Variants in NLGN1 observed in about 807,000 individuals in gnomAD.
NLGN1 encodes the protein neuroligin-1.
In NLGN1, 12 loss-of-function variants were observed where a neutral mutation model predicts 65.5. That is an observed-to-expected ratio of 0.18 (90% CI 0.12 to 0.30). The LOEUF is 0.30. NLGN1 is among the 10% of genes least tolerant of loss of function. The probability of loss-of-function intolerance (pLI) is 1.00; values close to 1 mark genes in which losing one functional copy is unlikely to be tolerated. For missense variants in NLGN1, 750 were observed against 1,007.1 expected (o/e 0.74, Z 3.46); for synonymous variants, 350 against 359.5 (o/e 0.97, Z 0.30).
At chr3:173,681,498 C>A (rs770994660) in intron 3 of NLGN1, among the ~76,000 whole-genome samples, 5 of 152,136 alleles carry the variant, frequency 3.3e-5, no homozygotes, top group Non-Finnish European at 7.4e-5. Flanking sequence ...CATGATGAAT[C>A]CATCCTTGGC....
chr3:174,092,456 T>C (rs1744701290), intron 4 of NLGN1, among the ~76,000 whole-genome samples: 1 of 152,114 alleles, frequency 6.6e-6, no homozygotes, highest in African/African-American at 2.4e-5. Flanking sequence ...ATATATGCTC[T>C]AAGAGCTATG....
chr3:174,177,879 C>T (rs2152742965), intron 4 of NLGN1, among the ~76,000 whole-genome samples: 1 of 152,128 alleles, frequency 6.6e-6, no homozygotes, highest in Non-Finnish European at 1.5e-5. Flanking sequence ...TAACAACAGC[C>T]TAGACAGCAA....
intron 3 of NLGN1, among the ~76,000 whole-genome samples, chr3:173,782,381 CAA>C (rs1469362464): frequency 6.6e-6 from 1 of 152,132 alleles, no homozygotes; most frequent in Non-Finnish European, 1.5e-5. Context: ...AAAAACCTCT[CAA>C]GATACTTTTA....
chr3:174,175,426 T>C (rs1729263206), intron 4 of NLGN1, among the ~76,000 whole-genome samples: 2 of 151,960 alleles, frequency 1.3e-5, no homozygotes, highest in Non-Finnish European at 2.9e-5. Context: ...TTGAAATCTA[T>C]TTTTTCCTGA....
At chr3:173,821,631 T>G (rs1424101643) in intron 4 of NLGN1, among the ~76,000 whole-genome samples, 1 of 152,178 alleles carries the variant, frequency 6.6e-6, no homozygotes, top group Non-Finnish European at 1.5e-5. Flanking sequence ...CAATCTGTAC[T>G]ATTTACTAAA....
At chr3:174,205,482 GA>G (rs1402985232) in intron 4 of NLGN1, among the ~76,000 whole-genome samples, 2 of 152,056 alleles carry the variant, frequency 1.3e-5, no homozygotes, top group Non-Finnish European at 2.9e-5. Context: ...TTGCAGAAAA[GA>G]ATATGCATAT....
chr3:173,721,961 C>CAG (rs1212225620), intron 3 of NLGN1, among the ~76,000 whole-genome samples: 1 of 151,750 alleles, frequency 6.6e-6, no homozygotes, highest in East Asian at 1.9e-4. Context: ...AAAGGGACCC[C>CAG]AGTGGAACGG....
At chr3:174,157,669 G>C (rs1001090699) in intron 4 of NLGN1, among the ~76,000 whole-genome samples, 1 of 151,648 alleles carries the variant, frequency 6.6e-6, no homozygotes, top group African/African-American at 2.4e-5. Context: ...ATGATGCTGG[G>C]AACTTTTACT....
At chr3:173,563,556 C>G (rs1387975549) in intron 2 of NLGN1, among the ~76,000 whole-genome samples, 1 of 152,202 alleles carries the variant, frequency 6.6e-6, no homozygotes, top group Admixed American at 6.5e-5. Flanking sequence ...TACCAGGACT[C>G]CTGATTCTCT....
intron 3 of NLGN1, among the ~76,000 whole-genome samples, chr3:173,747,803 T>TCTTCTTC (rs1203535592): frequency 2.2e-5 from 1 of 46,146 alleles, no homozygotes; most frequent in African/African-American, 6.5e-5. Flanking sequence ...TTCTTGTTCT[T>TCTTCTTC]TTTTTTTTTT....
At chr3:174,237,670 C>T (rs866838340) in intron 4 of NLGN1, among the ~76,000 whole-genome samples, 1 of 152,126 alleles carries the variant, frequency 6.6e-6, no homozygotes, top group South Asian at 2.1e-4. Context: ...GATTCTCCTG[C>T]CTCAGTCTCC....
intron 3 of NLGN1, among the ~76,000 whole-genome samples, chr3:173,758,996 G>A (rs1226125287): frequency 6.6e-6 from 1 of 151,730 alleles, no homozygotes; most frequent in Non-Finnish European, 1.5e-5. Flanking sequence ...TCTTAATTTT[G>A]CACTTAGGTA....
At chr3:174,218,852 AT>A (rs1396330487) in intron 4 of NLGN1, among the ~76,000 whole-genome samples, 3 of 151,824 alleles carry the variant, frequency 2.0e-5, no homozygotes, top group African/African-American at 7.3e-5. Context: ...CCCATTTTCT[AT>A]TGTTTGGGAG....
intron 2 of NLGN1, among the ~76,000 whole-genome samples, chr3:173,456,716 C>G (rs184963370): frequency 6.6e-6 from 1 of 151,986 alleles, no homozygotes; most frequent in Non-Finnish European, 1.5e-5. Context: ...AAAGCCAAGC[C>G]ATTACTACCC....
chr3:173,780,117 C>T (rs560884526), intron 3 of NLGN1, among the ~76,000 whole-genome samples: 65 of 152,198 alleles, frequency 4.3e-4, no homozygotes, highest in Admixed American at 7.2e-4. Context: ...TTCTTTGAAA[C>T]GTCCATATTT....
intron 3 of NLGN1, among the ~76,000 whole-genome samples, chr3:173,675,400 G>A (rs1762984166): frequency 6.6e-6 from 1 of 151,922 alleles, no homozygotes; most frequent in African/African-American, 2.4e-5. Context: ...TCATTTTAAT[G>A]CATCTAGGAG....
chr3:174,076,572 T>A (rs1270344598), intron 4 of NLGN1, among the ~76,000 whole-genome samples: 1 of 152,118 alleles, frequency 6.6e-6, no homozygotes, highest in Non-Finnish European at 1.5e-5. Context: ...CTTTGCCTAA[T>A]AAATTCCTAT....
intron 4 of NLGN1, among the ~76,000 whole-genome samples, chr3:174,135,242 A>C (rs1720991037): frequency 6.6e-6 from 1 of 152,186 alleles, no homozygotes; most frequent in Non-Finnish European, 1.5e-5. Context: ...AATGTCTGAA[A>C]ATACTGAGCA....
intron 3 of NLGN1, among the ~76,000 whole-genome samples, chr3:173,719,880 A>G (rs1037867659): frequency 2.6e-5 from 4 of 152,102 alleles, no homozygotes; most frequent in Non-Finnish European, 4.4e-5. Flanking sequence ...TTGGGGAGCC[A>G]GAGGTGGAAG....
Sources: gnomAD v4.1 joint callset for allele counts (sites outside exome capture counted in the v4.1 genomes callset) on GRCh38, gnomAD v4.1.1 for gene constraint, MANE v1.5 for transcripts, NCBI Gene and HGNC (gene_info 2026-07-23, HGNC 2026-07-21) for gene names.